Variants in CCDC39 observed in about 807,000 individuals in gnomAD.
CCDC39 encodes coiled-coil domain 39 molecular ruler complex subunit.
Under a neutral mutation model 121.0 loss-of-function variants are expected in CCDC39, and 113 were observed. The ratio of observed to expected loss-of-function variants is 0.93; its 90% CI spans 0.80 to 1.09. CCDC39 has a LOEUF of 1.09. CCDC39 is among the 50% of genes least tolerant of loss of function. The pLI, the probability that CCDC39 is intolerant of heterozygous loss-of-function variation, is 0.00. For missense variants in CCDC39, 1,063 were observed against 1,074.7 expected, an observed-to-expected ratio of 0.99 and a Z score of 0.15; for synonymous variants, 349 against 352.2, an observed-to-expected ratio of 0.99 and a Z score of 0.10.
At chr3:180,626,888 A>T (rs1001890577) in intron 14 of CCDC39, among the ~76,000 whole-genome samples, 1 of 152,238 alleles carries the variant, frequency 6.6e-6, no homozygotes, top group Admixed American at 6.5e-5. Flanking sequence ...GGCACAGCCC[A>T]GCGTTAAATT....
Position 180,645,084 on chromosome 3 carries a change from A to G in CCDC39, c.1528-827T>C, listed in dbSNP as rs1718039506. ...TACCTACTAACCATCTGACCCTAGT[A>G]TGATGGACTCTTCCTCAGTTTCCTC... On this transcript the variant is annotated intron_variant, in intron 11 of 19. Transcript: ENST00000476379. 2.0e-5 allele frequency among the ~76,000 whole-genome samples: 3 copies of G among 152,172 alleles called. No individual in the cohort carries two copies. In the South Asian group the frequency reaches 6.2e-4, roughly 32 times the overall value.
intron 4 of CCDC39, 36 bp from the exon 5 acceptor site, chr3:180,659,805 C>T (rs1248948946): frequency 5.9e-6 from 8 of 1,366,356 alleles, no homozygotes; most frequent in Non-Finnish European, 8.2e-6. Context: ...TTATAATTCT[C>T]ATTCTATTAA....
chr3:180,653,829 A>G (rs1322100661), intron 7 of CCDC39, among the ~76,000 whole-genome samples: 3 of 152,220 alleles, frequency 2.0e-5, no homozygotes, highest in African/African-American at 7.2e-5. Flanking sequence ...GTATTTGCAT[A>G]TAACCTATGT....
At chr3:180,651,182 C>G (rs535210474) in intron 9 of CCDC39, among the ~76,000 whole-genome samples, 1 of 151,284 alleles carries the variant, frequency 6.6e-6, no homozygotes, top group African/African-American at 2.4e-5. Flanking sequence ...GCAACAAGAG[C>G]CAGACTTCAT....
intron 7 of CCDC39, 31 bp downstream of exon 7, chr3:180,654,731 A>T (rs758233943): frequency 6.6e-7 from 1 of 1,515,462 alleles, no homozygotes; most frequent in South Asian, 1.2e-5. Context: ...TGTCGTGAAC[A>T]TACAAGCCAG....
intron 14 of CCDC39, among the ~76,000 whole-genome samples, chr3:180,626,533 C>A (rs1411383856): frequency 6.6e-6 from 1 of 152,152 alleles, no homozygotes; most frequent in Admixed American, 6.5e-5. Context: ...CATAGTGGGA[C>A]AGCAGGAATC....
At chr3:180,673,603 T>A (rs1451444055) in intron 1 of CCDC39, among the ~76,000 whole-genome samples, 2 of 152,240 alleles carry the variant, frequency 1.3e-5, no homozygotes, top group African/African-American at 4.8e-5. Context: ...TGTGACTTGC[T>A]TTATTGCAAC....
intron 14 of CCDC39, among the ~76,000 whole-genome samples, chr3:180,624,859 CTA>C (rs765214720): frequency 6.6e-5 from 10 of 151,948 alleles, no homozygotes; most frequent in Non-Finnish European, 1.3e-4. Context: ...CTTTTCTGTC[CTA>C]TAAGATTTCT....
At chr3:180,659,409 A>G (rs1711681988) in intron 6 of CCDC39, 43 bp downstream of exon 6, 16 of 1,602,392 alleles carry the variant, frequency 1.0e-5, no homozygotes, top group Non-Finnish European at 1.4e-5. Context: ...TACAAAAGAG[A>G]CAAATGCAGC....
At chr3:180,675,736 T>C (rs956142481) in intron 1 of CCDC39, among the ~76,000 whole-genome samples, 5 of 152,266 alleles carry the variant, frequency 3.3e-5, no homozygotes, top group Admixed American at 6.5e-5. Flanking sequence ...GCTACCTGAC[T>C]TCAAACTATA....
In CCDC39 at chr3:180,679,298, T is replaced by C; in HGVS notation, c.83A>G (p.Glu28Gly). The C allele has an allele frequency of 6.2e-7, 1 of 1,613,642 alleles. No individual in the cohort carries two copies. Among genetic ancestry groups the C allele is most frequent in the Non-Finnish European group, 8.5e-7 (1 of 1,179,602 alleles). The change falls in exon 1 of 20, where the codon GAA becomes GGA. Residue 28 changes from glutamate (E) to glycine (G), a missense_variant. By Grantham distance (98) the Glu-to-Gly change is moderately conservative. Coordinates refer to ENST00000476379, the MANE Select transcript of CCDC39 (RefSeq NM_181426.2). The surrounding 1 kb of genome is among the most constrained non-coding windows in gnomAD (Gnocchi z 4.0). ...TGCTTCAATTGATCTCACCTGATCT[T>C]CCAGTAGCTTGTTCTCCTCGTTCGC... ...PVANEENKLL[E>G]DQLSKLKDER...
rs938853102 is a variant in CCDC39 at position 180,616,504 on chromosome 3, G to A, written c.2586+12C>T. On this transcript the variant is annotated intron_variant, in intron 18 of 19. Coordinates refer to ENST00000476379, the MANE Select transcript of CCDC39 (RefSeq NM_181426.2). ...GTTTTTAAGAAATATTTAATAGAAG[G>A]TGCTGTATTACCTGTTGAAAGTATG... 1 of 1,521,688 alleles carries A rather than the reference G, an allele frequency of 6.6e-7. No homozygotes were observed. Among genetic ancestry groups the A allele is most frequent in the East Asian group, 2.3e-5 (1 of 44,042 alleles). 94.3% of individuals were successfully genotyped at this position (1,521,688 alleles called of 1,614,324 possible).
intron 14 of CCDC39, among the ~76,000 whole-genome samples, chr3:180,622,666 T>A (rs1295020949): frequency 6.6e-6 from 1 of 152,144 alleles, no homozygotes; most frequent in Non-Finnish European, 1.5e-5. Context: ...TCTATTGAGA[T>A]GATTATATGA....
rs148364230 is a variant in CCDC39, at chr3:180,639,980, G to A, written c.1874+2013C>T. Among the ~76,000 whole-genome samples, 361 of 152,026 alleles carry A rather than the reference G, an allele frequency of 2.4e-3. 1 individual carries two copies. Among genetic ancestry groups the A allele is most frequent in the African/African-American group, 8.3e-3 (344 of 41,504 alleles). ...CCAGACAAAAGGCAGACCTACTATT[G>A]GATTCCATTTATGTTAAACTCTTGA... On this transcript the variant is annotated intron_variant, in intron 13 of 19. Transcript: ENST00000476379.
In CCDC39 at chr3:180,633,177, G is replaced by A. The variant is rs112322070; in HGVS notation, c.1875-1585C>T. 6.0e-3 allele frequency among the ~76,000 whole-genome samples: 920 copies of A among 152,296 alleles called. 17 individuals are homozygous for A. Among genetic ancestry groups the A allele is most frequent in the African/African-American group, 0.02 (838 of 41,562 alleles). ...GCCCTCCCATTTAGAGGAGCGATCT[G>A]TTGGAGAAAACCAGAGATCCACTTA... On this transcript the variant is annotated intron_variant, in intron 13 of 19. Transcript: ENST00000476379.
At chr3:180,619,401 C>A in intron 15 of CCDC39, 36 bp from the exon 16 acceptor site, 1 of 991,492 alleles carries the variant, frequency 1.0e-6, no homozygotes, top group Non-Finnish European at 1.5e-6. Context: ...AAAATTTCAA[C>A]ATACTAAGTA....
chr3:180,653,898 A>G (rs1053635978), intron 7 of CCDC39, among the ~76,000 whole-genome samples: 1 of 152,170 alleles, frequency 6.6e-6, no homozygotes. Context: ...AATACAATGT[A>G]AATGCTATGT....
At chr3:180,655,090 TTTATA>T in intron 6 of CCDC39, 137 bp from the exon 7 acceptor site, 1 of 506,078 alleles carries the variant, frequency 2.0e-6, no homozygotes, top group South Asian at 4.6e-5. Context: ...TTTAAATACT[TTTATA>T]TTAATAAAAA....
At position 180,679,184 on chromosome 3, in the gene CCDC39, AG is replaced by A. The variant is rs1712320943; in HGVS notation, c.90+106del. On this transcript the variant is annotated intron_variant, in intron 1 of 19. Transcript: ENST00000476379. This position sits in a 1 kb window ranked among gnomAD's most constrained non-coding sequence, Gnocchi z 4.0. ...TGCGGGGGAGTGTTAGAGGAAGCAC[AG>A]GATTAGGAAAGGAGAGAAATAAAAG... 1 of 839,694 alleles carries A rather than the reference AG, an allele frequency of 1.2e-6. No homozygotes were observed. The highest frequency in any genetic ancestry group is 2.1e-6 in the Non-Finnish European group (1 of 476,804). The allele number at this position is 839,694 out of a possible 1,614,324, so 52.0% of individuals were successfully genotyped here. A position where few individuals can be genotyped will look rare whatever the true frequency, so the allele number is the denominator to read the frequency against.
Sources: allele counts gnomAD v4.1 joint callset (sites outside exome capture counted in the v4.1 genomes callset), GRCh38; gene constraint gnomAD v4.1.1; non-coding constraint Gnocchi (gnomAD v3.1); transcripts MANE v1.5; gene names NCBI Gene and HGNC (gene_info 2026-07-23, HGNC 2026-07-21).